Variants in CSF2RA observed in about 807,000 individuals in gnomAD.
CSF2RA encodes the protein colony stimulating factor 2 receptor subunit alpha, also known as granulocyte-macrophage colony-stimulating factor receptor subunit alpha.
CSF2RA carries 42 observed loss-of-function variants against 51.6 expected under a neutral mutation model. That is an observed-to-expected ratio of 0.81 (90% confidence interval 0.64 to 1.05). CSF2RA has a LOEUF of 1.05. Among genes scored for constraint, CSF2RA ranks in the 50% least tolerant of loss-of-function variants. CSF2RA has a pLI of 0.00. For synonymous variants in CSF2RA, 222 were observed against 193.0 expected (o/e 1.15, Z -1.24); for missense variants, 530 against 501.1 (o/e 1.06, Z -0.55).
chrX:1,313,932 A>C (rs1255542303), downstream of CSF2RA, among the ~76,000 whole-genome samples: 12 of 152,184 alleles, frequency 7.9e-5, no homozygotes, highest in African/African-American at 2.9e-4. Flanking sequence ...CAGAGGTTGC[A>C]GTGAGCCCAG....
At chrX:1,271,523 TTTA>T (rs1320812907) in intron 1 of CSF2RA, among the ~76,000 whole-genome samples, 1 of 119,918 alleles carries the variant, frequency 8.3e-6, no homozygotes, top group Non-Finnish European at 2.0e-5. Context: ...AATTTATTTA[TTTA>T]TTTTTTTGGA....
At chrX:1,290,735 C>A (rs780257741) in intron 7 of CSF2RA, among the ~76,000 whole-genome samples, 3 of 151,908 alleles carry the variant, frequency 2.0e-5, no homozygotes, top group Non-Finnish European at 2.9e-5. Flanking sequence ...CATGGTGGCG[C>A]GTGCCTGTAA....
chrX:1,293,144 T>C (rs1201075097), intron 7 of CSF2RA, among the ~76,000 whole-genome samples: 1 of 152,198 alleles, frequency 6.6e-6, no homozygotes, highest in Admixed American at 6.5e-5. Flanking sequence ...TGGTTCAACA[T>C]ACAGATCACA....
chrX:1,311,735 C>T (rs1191870571), downstream of CSF2RA, among the ~76,000 whole-genome samples: 1 of 152,170 alleles, frequency 6.6e-6, no homozygotes, highest in African/African-American at 2.4e-5. Flanking sequence ...GCCACCGCGT[C>T]CAGCCAAATA....
Position 1,285,574 on chromosome X carries a change from C to A in CSF2RA, c.77-204C>A, listed in dbSNP as rs28427040. On this transcript the variant is annotated intron_variant, in intron 3 of 12. Coordinates refer to ENST00000381529, the MANE Select transcript of CSF2RA (RefSeq NM_172245.4). ...GCTGGGCATGGTGGTCGGCGCCTGT[C>A]ATCCCAGCTACTCGGGAGGCTGAGG... The A allele has an allele frequency of 0.39, 253,015 of 652,624 alleles. 51,329 individuals are homozygous for A. Among genetic ancestry groups the A allele is most frequent in the East Asian group, 0.52 (18,317 of 35,512 alleles). The allele number at this position is 652,624 out of a possible 1,614,324, so 40.4% of individuals were successfully genotyped here. A position where few individuals can be genotyped will look rare whatever the true frequency, so the allele number is the denominator to read the frequency against.
chrX:1,279,736 C>T (rs1449637746), intron 2 of CSF2RA, among the ~76,000 whole-genome samples: 23 of 151,482 alleles, frequency 1.5e-4, no homozygotes, highest in Admixed American at 1.1e-3. Context: ...TCTTAGCAAG[C>T]GAGGTTCCTC....
intron 1 of CSF2RA, among the ~76,000 whole-genome samples, chrX:1,273,889 C>T (rs1569489304): frequency 2.0e-5 from 3 of 151,870 alleles, no homozygotes; most frequent in African/African-American, 7.3e-5. Flanking sequence ...TGAGTCACCG[C>T]GCCCGGCATG....
chrX:1,309,739 T>G lies in CSF2RA; in HGVS notation c.*260T>G, dbSNP rs1369361109. ...CCATCTGGACTAAAAATGCAGAAAT[T>G]TACCCAGGCACGGCGGCGGACGCCC... is the stretch of plus-strand genomic sequence containing the variant. On this transcript the variant is annotated 3_prime_UTR_variant, in exon 13 of 13. Coordinates refer to ENST00000381529, the MANE Select transcript of CSF2RA (RefSeq NM_172245.4). 8 of 767,122 alleles carry G rather than the reference T, an allele frequency of 1.0e-5. No individual in the cohort carries two copies. Among genetic ancestry groups the G allele is most frequent in the African/African-American group, 1.8e-5 (1 of 57,108 alleles). The allele number at this position is 767,122 out of a possible 1,614,324, so 47.5% of individuals were successfully genotyped here.
chrX:1,285,949 TGTCCTTTACACA>T (rs1315234529), intron 4 of CSF2RA, 29 bp downstream of exon 4: 1 of 1,613,474 alleles, frequency 6.2e-7, no homozygotes, highest in Non-Finnish European at 8.5e-7. Context: ...TCTCAACCCC[TGTCCTTTACACA>T]CCCCTTTCTG....
chrX:1,294,527 C>G, intron 8 of CSF2RA, 66 bp downstream of exon 8: 2 of 1,602,570 alleles, frequency 1.2e-6, no homozygotes, highest in South Asian at 2.2e-5. Context: ...CGCACAGGAG[C>G]CTGGGAATCC....
At chrX:1,271,579 C>T (rs1267703130) in intron 1 of CSF2RA, among the ~76,000 whole-genome samples, 5 of 151,640 alleles carry the variant, frequency 3.3e-5, no homozygotes, top group African/African-American at 1.2e-4. Context: ...TGCAGTGGTG[C>T]GATCTCGGCT....
At chrX:1,323,597 G>C in the CSF2RA span, among the ~76,000 whole-genome samples, 1 of 151,612 alleles carries the variant, frequency 6.6e-6, no homozygotes, top group Admixed American at 6.6e-5. Flanking sequence ...TTTAGAAGCT[G>C]TCTGGGCTGG....
intron 10 of CSF2RA, chrX:1,303,051 TTTTATTTATTTA>T (rs766528148): frequency 2.6e-5 from 6 of 230,474 alleles, no homozygotes; most frequent in African/African-American, 1.5e-4. Flanking sequence ...GTATTTTTAT[TTTTATTTATTTA>T]TTTATTTATT....
intron 6 of CSF2RA, among the ~76,000 whole-genome samples, chrX:1,290,045 TGTTTTTG>T (rs1158758184): frequency 2.0e-5 from 3 of 150,434 alleles, no homozygotes; most frequent in African/African-American, 4.9e-5. Context: ...TTTTGTTTTG[TGTTTTTG>T]TTTTGTTTTG....
chrX:1,268,852 G>T lies in CSF2RA; in HGVS notation c.-118G>T. 1 of 454,110 alleles carries T rather than the reference G, an allele frequency of 2.2e-6. No individual in the cohort carries two copies. The highest frequency in any genetic ancestry group is 4.4e-6 in the Non-Finnish European group (1 of 226,770). The allele number at this position is 454,110 out of a possible 1,614,324, so 28.1% of individuals were successfully genotyped here. ...AGTCTCCGAGAGAAGAAAAGCAGGT[G>T]GAAGGAGAGGAAGCGGATGCCGTGG... On this transcript the variant is annotated 5_prime_UTR_variant, in exon 1 of 13. Transcript: ENST00000381529.
intron 2 of CSF2RA, among the ~76,000 whole-genome samples, chrX:1,276,613 A>T (rs2089227545): frequency 1.3e-5 from 2 of 151,988 alleles, no homozygotes; most frequent in South Asian, 4.1e-4. Context: ...TCCTCAAGTG[A>T]TCCACCCACC....
intron 9 of CSF2RA, among the ~76,000 whole-genome samples, chrX:1,299,008 G>A (rs1358990391): frequency 6.6e-6 from 1 of 152,210 alleles, no homozygotes; most frequent in East Asian, 1.9e-4. Context: ...CTTAGTGCCA[G>A]TGTGGCCCAG....
the CSF2RA span, among the ~76,000 whole-genome samples, chrX:1,318,138 G>A: frequency 3.6e-4 from 54 of 148,702 alleles, no homozygotes; most frequent in East Asian, 9.9e-4. Context: ...ACAGGCACCC[G>A]CCACCACGCC....
chrX:1,277,593 C>CAAAAAAAAA (rs749833246), intron 2 of CSF2RA, among the ~76,000 whole-genome samples: 1 of 70,442 alleles, frequency 1.4e-5, no homozygotes, highest in Non-Finnish European at 2.4e-5. Flanking sequence ...AAGTCCATCT[C>CAAAAAAAAA]AAAAAAAAAA....
Sources: gnomAD v4.1 joint callset for allele counts (sites outside exome capture counted in the v4.1 genomes callset) on GRCh38, gnomAD v4.1.1 for gene constraint, MANE v1.5 for transcripts, NCBI Gene and HGNC (gene_info 2026-07-23, HGNC 2026-07-21) for gene names.